MXI1: variants seen among roughly 807,000 people sequenced by gnomAD.
The protein encoded by MXI1 is max-interacting protein 1.
In MXI1, 18 loss-of-function variants were observed where a neutral mutation model predicts 36.9. The ratio of observed to expected loss-of-function variants is 0.49; its 90% CI spans 0.34 to 0.72. The LOEUF is 0.72. Ranked by LOEUF, MXI1 falls within the 30% of genes least tolerant of loss-of-function variation. The pLI is 0.01. For missense variants in MXI1, 304 were observed against 379.1 expected (o/e 0.80, Z 1.64); for synonymous variants, 160 against 146.7 (o/e 1.09, Z -0.65).
At chr10:110,247,079 G>T (rs1855894515) in intron 3 of MXI1, among the ~76,000 whole-genome samples, 1 of 152,082 alleles carries the variant, frequency 6.6e-6, no homozygotes, top group African/African-American at 2.4e-5. Context: ...ATTAACACTG[G>T]ACTAGGGACT....
chr10:110,242,001 TC>T (rs139831202), intron 2 of MXI1, among the ~76,000 whole-genome samples: 23,809 of 151,912 alleles, frequency 0.16, 2,954 homozygotes, highest in East Asian at 0.61. Context: ...TTCATGACTT[TC>T]TTTCTCTAAC....
chr10:110,268,510 T>C (rs754543649), intron 3 of MXI1, among the ~76,000 whole-genome samples: 5 of 152,198 alleles, frequency 3.3e-5, no homozygotes, highest in Non-Finnish European at 7.3e-5. Flanking sequence ...TTGTAATTGT[T>C]GTTAATCTAT....
At chr10:110,260,251 T>A (rs1013212716) in intron 3 of MXI1, among the ~76,000 whole-genome samples, 2 of 151,966 alleles carry the variant, frequency 1.3e-5, no homozygotes, top group African/African-American at 4.8e-5. Flanking sequence ...CTTCTTGGAG[T>A]CTTGCTTTTC....
At chr10:110,231,448 C>T (rs919289469) in intron 2 of MXI1, among the ~76,000 whole-genome samples, 3 of 151,696 alleles carry the variant, frequency 2.0e-5, no homozygotes, top group African/African-American at 7.3e-5. Flanking sequence ...TCCCCTTTCC[C>T]CCATTCCTTA....
chr10:110,227,584 G>C lies in MXI1; in HGVS notation c.275-605G>C. On this transcript the variant is annotated intron_variant, in intron 1 of 5. Transcript: ENST00000332674. ...GGAAGGAGGAACACGGATGCTGGGGGGGGTCAGGGGAAGGGACGAGGCCGG... is the reference window on the plus strand; with the variant it reads ...GGAAGGAGGAACACGGATGCTGGGGCGGGTCAGGGGAAGGGACGAGGCCGG... 2.0e-6 allele frequency: 2 copies of C among 978,852 alleles called. 1 individual carries two copies. The highest frequency in any genetic ancestry group is 2.4e-6 in the Non-Finnish European group (2 of 823,868). 60.6% of individuals were successfully genotyped at this position (978,852 alleles called of 1,614,324 possible).
At chr10:110,280,931 A>G (rs1271307799) in intron 5 of MXI1, among the ~76,000 whole-genome samples, 2 of 152,238 alleles carry the variant, frequency 1.3e-5, no homozygotes, top group Admixed American at 6.5e-5. Context: ...CCACCACATC[A>G]GGCTTCATAT....
intron 5 of MXI1, among the ~76,000 whole-genome samples, 190 bp downstream of exon 5, chr10:110,280,275 A>G: frequency 6.6e-6 from 1 of 151,418 alleles, no homozygotes; most frequent in Middle Eastern, 3.4e-3. Flanking sequence ...TTTTCCTTGA[A>G]AAAAAATATA....
At chr10:110,253,654 G>A (rs1856180715) in intron 3 of MXI1, among the ~76,000 whole-genome samples, 1 of 151,900 alleles carries the variant, frequency 6.6e-6, no homozygotes, top group African/African-American at 2.4e-5. Flanking sequence ...CAGGTTGCAG[G>A]GTTAGGGAAG....
intron 1 of MXI1, among the ~76,000 whole-genome samples, chr10:110,209,178 G>T (rs1854443575): frequency 6.6e-6 from 1 of 152,140 alleles, no homozygotes; most frequent in East Asian, 1.9e-4. Flanking sequence ...CGTGTGCAGC[G>T]TATCCAGCAC....
At chr10:110,226,106 C>T (rs1854957812) in intron 1 of MXI1, 1 of 1,179,246 alleles carries the variant, frequency 8.5e-7, no homozygotes, top group Non-Finnish European at 1.1e-6. Flanking sequence ...CCCGCCCGCC[C>T]GTCGCACATG....
intron 1 of MXI1, chr10:110,227,614 A>C: frequency 5.9e-4 from 481 of 808,900 alleles, no homozygotes; most frequent in Middle Eastern, 1.3e-3. Flanking sequence ...GGCCGGGAGA[A>C]CACTGAGCGG....
chr10:110,286,095 G>A lies in MXI1; in HGVS notation c.*1108G>A, dbSNP rs1857420739. 2 of 152,538 alleles carry A rather than the reference G, an allele frequency of 1.3e-5. No individual in the cohort carries two copies. The highest frequency in any genetic ancestry group is 2.4e-5 in the African/African-American group (1 of 41,402). 9.4% of individuals were successfully genotyped at this position (152,538 alleles called of 1,614,324 possible). On this transcript the variant is annotated 3_prime_UTR_variant, in exon 6 of 6. Transcript: ENST00000332674. ...GAGGTCTGGGCTAGGTAGAAAAAGG[G>A]TCAATGCTATTTTTGTTTTTAGAAT...
At chr10:110,262,350 T>C (rs2134432879) in intron 3 of MXI1, among the ~76,000 whole-genome samples, 1 of 152,272 alleles carries the variant, frequency 6.6e-6, no homozygotes, top group Middle Eastern at 3.4e-3. Context: ...TACACCATTT[T>C]ATATCAGGGA....
intron 1 of MXI1, among the ~76,000 whole-genome samples, chr10:110,221,000 C>T (rs758058571): frequency 3.4e-4 from 52 of 152,276 alleles, no homozygotes; most frequent in South Asian, 1.2e-3. Flanking sequence ...AAAACTACTT[C>T]GGCACAACAA....
chr10:110,217,888 C>T (rs937948522), intron 1 of MXI1, among the ~76,000 whole-genome samples: 1 of 152,160 alleles, frequency 6.6e-6, no homozygotes, highest in Non-Finnish European at 1.5e-5. Context: ...GGTGATAATG[C>T]CCTCCTAGTA....
chr10:110,250,178 A>G (rs974887247), intron 3 of MXI1, among the ~76,000 whole-genome samples: 13 of 152,130 alleles, frequency 8.5e-5, no homozygotes, highest in African/African-American at 3.1e-4. Flanking sequence ...GGGAGCTGAT[A>G]TCTGCCCAAA....
intron 1 of MXI1, among the ~76,000 whole-genome samples, chr10:110,216,948 A>G (rs531403150): frequency 6.6e-6 from 1 of 151,952 alleles, no homozygotes; most frequent in Non-Finnish European, 1.5e-5. Context: ...GATTACAGGC[A>G]TGAGCCACCG....
At chr10:110,264,341 G>A (rs2134436913) in intron 3 of MXI1, among the ~76,000 whole-genome samples, 2 of 151,724 alleles carry the variant, frequency 1.3e-5, no homozygotes, top group Non-Finnish European at 2.9e-5. Context: ...GATTTGCTGT[G>A]CTTAGAAAGA....
At chr10:110,253,208 TGATG>T (rs1245463963) in intron 3 of MXI1, among the ~76,000 whole-genome samples, 1 of 152,150 alleles carries the variant, frequency 6.6e-6, no homozygotes, top group Non-Finnish European at 1.5e-5. Context: ...TTAGAATTTT[TGATG>T]GATTAGTTCT....
Sources: gnomAD v4.1 joint callset for allele counts (sites outside exome capture counted in the v4.1 genomes callset) on GRCh38, gnomAD v4.1.1 for gene constraint, MANE v1.5 for transcripts, NCBI Gene and HGNC (gene_info 2026-07-23, HGNC 2026-07-21) for gene names.